The following HECW1 variants were observed in gnomAD, a reference collection of about 807,000 sequenced individuals.
HECW1 encodes the protein HECT, C2 and WW domain containing E3 ubiquitin protein ligase 1, also known as E3 ubiquitin-protein ligase HECW1.
Under a neutral mutation model 182.3 loss-of-function variants are expected in HECW1, and 61 were observed. That is an observed-to-expected ratio of 0.33 (90% confidence interval 0.27 to 0.41). The LOEUF (loss-of-function observed/expected upper bound fraction) is 0.41. HECW1 is among the 10% of genes least tolerant of loss of function. The pLI is 1.00. For synonymous variants in HECW1, 859 were observed against 832.6 expected, an observed-to-expected ratio of 1.03 and a Z score of -0.55; for missense variants, 1,739 against 2,108.9, an observed-to-expected ratio of 0.82 and a Z score of 3.44.
chr7:43,431,641 A>G (rs1439827302), intron 8 of HECW1, among the ~76,000 whole-genome samples: 1 of 152,164 alleles, frequency 6.6e-6, no homozygotes, highest in East Asian at 1.9e-4. Flanking sequence ...CAGATCCTTT[A>G]GTTGCTCCCA....
At chr7:43,170,730 A>G (rs1011520575) in intron 2 of HECW1, among the ~76,000 whole-genome samples, 1 of 152,164 alleles carries the variant, frequency 6.6e-6, no homozygotes, top group Non-Finnish European at 1.5e-5. Flanking sequence ...GAGTGAGTTC[A>G]GGAAGGACTT....
intron 6 of HECW1, among the ~76,000 whole-genome samples, chr7:43,368,560 C>A (rs1259633650): frequency 1.3e-5 from 2 of 152,180 alleles, no homozygotes; most frequent in East Asian, 3.8e-4. Flanking sequence ...GGAAGGGATT[C>A]GGCATCCTCT....
intron 29 of HECW1, among the ~76,000 whole-genome samples, chr7:43,555,396 T>A (rs972262883): frequency 2.0e-5 from 3 of 152,204 alleles, no homozygotes; most frequent in African/African-American, 7.2e-5. Flanking sequence ...ATCCCAGCAC[T>A]TCCTGAATCC....
chr7:43,340,989 A>G (rs971220331), intron 5 of HECW1, among the ~76,000 whole-genome samples: 2 of 151,884 alleles, frequency 1.3e-5, no homozygotes, highest in Middle Eastern at 3.4e-3. Flanking sequence ...ATAAAAAAGG[A>G]TGAGTTCATG....
chr7:43,533,369 T>C (rs2152948863), intron 24 of HECW1, among the ~76,000 whole-genome samples: 1 of 152,246 alleles, frequency 6.6e-6, no homozygotes, highest in South Asian at 2.1e-4. Flanking sequence ...AAGAATCTTC[T>C]AGAACTCAGC....
At chr7:43,312,525 T>G (rs375850656) in intron 4 of HECW1, among the ~76,000 whole-genome samples, 1 of 152,238 alleles carries the variant, frequency 6.6e-6, no homozygotes, top group African/African-American at 2.4e-5. Flanking sequence ...TGCTTTGTAT[T>G]CAACAGACAA....
chr7:43,392,291 G>A (rs1562926214), intron 6 of HECW1, among the ~76,000 whole-genome samples: 1 of 152,032 alleles, frequency 6.6e-6, no homozygotes, highest in Non-Finnish European at 1.5e-5. Context: ...AATAATCGTG[G>A]GTATGTAAAT....
intron 2 of HECW1, among the ~76,000 whole-genome samples, chr7:43,186,668 CAAAA>C (rs112678392): frequency 2.1e-5 from 2 of 93,506 alleles, no homozygotes. Flanking sequence ...GACTCCGTCT[CAAAA>C]AAAAAAAAAA....
At chr7:43,215,692 T>G (rs922057510) in intron 2 of HECW1, among the ~76,000 whole-genome samples, 1 of 152,196 alleles carries the variant, frequency 6.6e-6, no homozygotes, top group Admixed American at 6.5e-5. Flanking sequence ...TTTTGGTAAA[T>G]GGTCCATGGA....
chr7:43,519,110 A>G (rs1013102570), intron 24 of HECW1, among the ~76,000 whole-genome samples: 1 of 152,250 alleles, frequency 6.6e-6, no homozygotes, highest in Non-Finnish European at 1.5e-5. Context: ...AAGGCTCAAC[A>G]TGAATTACAT....
intron 24 of HECW1, among the ~76,000 whole-genome samples, chr7:43,535,768 G>C (rs115640762): frequency 6.6e-6 from 1 of 152,118 alleles, no homozygotes; most frequent in South Asian, 2.1e-4. Context: ...TCACCAACTG[G>C]TAATCAGGGG....
intron 2 of HECW1, among the ~76,000 whole-genome samples, chr7:43,194,675 G>C (rs979602313): frequency 6.6e-6 from 1 of 151,794 alleles, no homozygotes; most frequent in Non-Finnish European, 1.5e-5. Context: ...TTCAACAGAG[G>C]GGGAAGGAGA....
intron 4 of HECW1, among the ~76,000 whole-genome samples, chr7:43,320,250 G>T (rs1223755569): frequency 3.3e-5 from 5 of 152,200 alleles, no homozygotes; most frequent in African/African-American, 9.7e-5. Flanking sequence ...TTTATGTCTC[G>T]CCCTTAGGCT....
chr7:43,203,914 C>T (rs1401207123), intron 2 of HECW1, among the ~76,000 whole-genome samples: 1 of 152,126 alleles, frequency 6.6e-6, no homozygotes, highest in Non-Finnish European at 1.5e-5. Context: ...TATGTAATAT[C>T]TTGTATTCAC....
intron 2 of HECW1, among the ~76,000 whole-genome samples, chr7:43,186,096 A>G (rs1037421600): frequency 6.6e-6 from 1 of 152,186 alleles, no homozygotes; most frequent in Admixed American, 6.5e-5. Context: ...GAGCAAGATA[A>G]TCGTCATAGA....
chr7:43,508,477 CA>C (rs1265845418), intron 23 of HECW1, among the ~76,000 whole-genome samples: 1 of 152,172 alleles, frequency 6.6e-6, no homozygotes, highest in Non-Finnish European at 1.5e-5. Context: ...CCAAACTTTT[CA>C]TATCATTTCA....
intron 2 of HECW1, among the ~76,000 whole-genome samples, chr7:43,166,951 C>T (rs1162197983): frequency 1.3e-5 from 2 of 152,236 alleles, no homozygotes; most frequent in Non-Finnish European, 2.9e-5. Context: ...GGGGACTTCA[C>T]CTCTCAGGCT....
intron 5 of HECW1, among the ~76,000 whole-genome samples, chr7:43,339,447 C>T (rs1812688659): frequency 6.6e-6 from 1 of 152,122 alleles, no homozygotes; most frequent in Non-Finnish European, 1.5e-5. Context: ...GTAATAAAAT[C>T]CTCATTTGAT....
chr7:43,325,182 G>A (rs4724197), intron 5 of HECW1, among the ~76,000 whole-genome samples: 99,138 of 152,112 alleles, frequency 0.65, 33,601 homozygotes, highest in African/African-American at 0.86. Flanking sequence ...TGACCATAGT[G>A]TCAATGGCTA....
Sources: gnomAD v4.1 joint callset for allele counts (sites outside exome capture counted in the v4.1 genomes callset) on GRCh38, gnomAD v4.1.1 for gene constraint, MANE v1.5 for transcripts, NCBI Gene and HGNC (gene_info 2026-07-23, HGNC 2026-07-21) for gene names.